The following KCNS3 variants were observed in gnomAD, a reference collection of about 807,000 sequenced individuals.
The protein encoded by KCNS3 is delayed-rectifier potassium channel regulatory subunit KCNS3.
KCNS3 carries 13 observed loss-of-function variants against 31.0 expected under a neutral mutation model. The ratio of observed to expected loss-of-function variants is 0.42; its 90% CI spans 0.27 to 0.67. The LOEUF is 0.67. Ranked by LOEUF, KCNS3 falls within the 30% of genes least tolerant of loss-of-function variation. The pLI, the probability that KCNS3 is intolerant of heterozygous loss-of-function variation, is 0.25. For missense variants in KCNS3, 545 were observed against 622.4 expected (o/e 0.88, Z 1.32); for synonymous variants, 238 against 241.5 (o/e 0.99, Z 0.13).
At chr2:17,910,836 A>G (rs1662456443) in intron 1 of KCNS3, among the ~76,000 whole-genome samples, 1 of 152,336 alleles carries the variant, frequency 6.6e-6, no homozygotes, top group Admixed American at 6.5e-5. Context: ...ATTCACAAAG[A>G]TGTGGATAGT....
chr2:17,914,089 C>G (rs1445504437), intron 1 of KCNS3, among the ~76,000 whole-genome samples: 4 of 152,196 alleles, frequency 2.6e-5, no homozygotes, highest in Non-Finnish European at 5.9e-5. Context: ...TCAGCTATCT[C>G]TTAGCCTTGC....
intron 1 of KCNS3, among the ~76,000 whole-genome samples, chr2:17,912,624 G>A (rs971159622): frequency 6.6e-6 from 1 of 152,170 alleles, no homozygotes; most frequent in Non-Finnish European, 1.5e-5. Flanking sequence ...ACACAGCTGC[G>A]TCCCTGCTGC....
At chr2:17,895,348 C>G (rs1011411524) in intron 1 of KCNS3, among the ~76,000 whole-genome samples, 1 of 152,114 alleles carries the variant, frequency 6.6e-6, no homozygotes, top group Non-Finnish European at 1.5e-5. Context: ...CTGTTTTCTT[C>G]TAGCAGCAAT....
At chr2:17,904,255 T>C (rs1036130961) in intron 1 of KCNS3, among the ~76,000 whole-genome samples, 4 of 152,264 alleles carry the variant, frequency 2.6e-5, no homozygotes, top group African/African-American at 9.6e-5. Flanking sequence ...CATAAATGTC[T>C]TCTTTTGAGA....
chr2:17,921,011 C>T (rs1434503533), intron 2 of KCNS3, among the ~76,000 whole-genome samples: 1 of 152,216 alleles, frequency 6.6e-6, no homozygotes, highest in Non-Finnish European at 1.5e-5. Context: ...AGTCTAAGGT[C>T]TATGACTTAG....
At chr2:17,890,445 G>T (rs1332338685) in intron 1 of KCNS3, among the ~76,000 whole-genome samples, 1 of 149,808 alleles carries the variant, frequency 6.7e-6, no homozygotes, top group Non-Finnish European at 1.5e-5. Flanking sequence ...CTCTGATCTT[G>T]GTTATTTCCT....
chr2:17,892,760 G>A (rs767238291), intron 1 of KCNS3, among the ~76,000 whole-genome samples: 2 of 152,194 alleles, frequency 1.3e-5, no homozygotes, highest in Non-Finnish European at 2.9e-5. Flanking sequence ...CCTGGGGGTT[G>A]CCTGCACAGA....
intron 1 of KCNS3, among the ~76,000 whole-genome samples, chr2:17,900,356 AG>A: frequency 6.6e-6 from 1 of 152,268 alleles, no homozygotes; most frequent in Non-Finnish European, 1.5e-5. Context: ...GTTTTGAGGT[AG>A]GGAGAGGTCT....
chr2:17,920,425 A>C (rs1414461364), intron 2 of KCNS3, among the ~76,000 whole-genome samples: 2 of 152,248 alleles, frequency 1.3e-5, no homozygotes, highest in Non-Finnish European at 2.9e-5. Context: ...GAGAGCATGA[A>C]GCAACAAGAG....
At chr2:17,908,158 T>C (rs1558453935) in intron 1 of KCNS3, among the ~76,000 whole-genome samples, 4 of 152,212 alleles carry the variant, frequency 2.6e-5, no homozygotes, top group Non-Finnish European at 4.4e-5. Context: ...TTTGTTCATT[T>C]CTCTTTACTC....
At chr2:17,911,205 G>A (rs969002513) in intron 1 of KCNS3, among the ~76,000 whole-genome samples, 14 of 152,256 alleles carry the variant, frequency 9.2e-5, no homozygotes, top group Non-Finnish European at 1.0e-4. Flanking sequence ...TTGTATTGCC[G>A]TTATTTATTT....
At chr2:17,900,247 T>C (rs894507682) in intron 1 of KCNS3, among the ~76,000 whole-genome samples, 1 of 152,248 alleles carries the variant, frequency 6.6e-6, no homozygotes, top group Middle Eastern at 3.4e-3. Context: ...CACGGTGCAG[T>C]GTGGAGACAA....
intron 1 of KCNS3, among the ~76,000 whole-genome samples, chr2:17,879,939 C>G (rs35349881): frequency 6.6e-6 from 1 of 152,082 alleles, no homozygotes; most frequent in South Asian, 2.1e-4. Flanking sequence ...GTGGTTGGCC[C>G]GGAGCCTTCG....
At chr2:17,922,720 T>C (rs1333952133) in intron 2 of KCNS3, among the ~76,000 whole-genome samples, 1 of 152,104 alleles carries the variant, frequency 6.6e-6, no homozygotes, top group Non-Finnish European at 1.5e-5. Context: ...GTTTTGACTA[T>C]TATGGATATT....
At chr2:17,918,950 G>A (rs946408114) in intron 2 of KCNS3, among the ~76,000 whole-genome samples, 1 of 152,216 alleles carries the variant, frequency 6.6e-6, no homozygotes, top group Non-Finnish European at 1.5e-5. Context: ...TTGATTCCAA[G>A]CAACCTGGCT....
intron 2 of KCNS3, among the ~76,000 whole-genome samples, chr2:17,922,129 C>T (rs1419831222): frequency 6.6e-6 from 1 of 150,648 alleles, no homozygotes; most frequent in South Asian, 2.1e-4. Context: ...TGACCATATT[C>T]CTCTAAAATA....
At chr2:17,913,696 C>A (rs766679995) in intron 1 of KCNS3, among the ~76,000 whole-genome samples, 2 of 152,246 alleles carry the variant, frequency 1.3e-5, no homozygotes, top group Non-Finnish European at 2.9e-5. Flanking sequence ...AGTCTTCTGA[C>A]CTTCCAGCTC....
chr2:17,921,925 A>G (rs1344480492), intron 2 of KCNS3, among the ~76,000 whole-genome samples: 2 of 68,644 alleles, frequency 2.9e-5, no homozygotes, highest in African/African-American at 1.3e-4. Flanking sequence ...GTATATATAT[A>G]TATATATATA....
intron 1 of KCNS3, among the ~76,000 whole-genome samples, chr2:17,879,994 C>T (rs1406839469): frequency 6.6e-6 from 1 of 152,180 alleles, no homozygotes; most frequent in Non-Finnish European, 1.5e-5. Context: ...AATACTGGAG[C>T]AGATGAGTAC....
Sources: gnomAD v4.1 joint callset for allele counts (sites outside exome capture counted in the v4.1 genomes callset) on GRCh38, gnomAD v4.1.1 for gene constraint, MANE v1.5 for transcripts, NCBI Gene and HGNC (gene_info 2026-07-23, HGNC 2026-07-21) for gene names.